CABIN1: variants seen among roughly 807,000 people sequenced by gnomAD.
CABIN1 encodes calcineurin binding protein 1.
Under a neutral mutation model 227.7 loss-of-function variants are expected in CABIN1, and 133 were observed. The ratio of observed to expected loss-of-function variants is 0.58; its 90% CI spans 0.51 to 0.67. The LOEUF is 0.67. Among genes scored for constraint, CABIN1 ranks in the 30% least tolerant of loss-of-function variants. The pLI is 0.00. For synonymous variants in CABIN1, 1,086 were observed against 1,155.1 expected (o/e 0.94, Z 1.21); for missense variants, 2,408 against 2,852.5 (o/e 0.84, Z 3.55).
At chr22:24,061,016 C>T (rs2039151850) in intron 12 of CABIN1, among the ~76,000 whole-genome samples, 1 of 152,220 alleles carries the variant, frequency 6.6e-6, no homozygotes, top group South Asian at 2.1e-4. Context: ...CTCCTGGGCT[C>T]AAGTGATCCT....
At chr22:24,076,312 T>C (rs746895268) in intron 19 of CABIN1, 28 bp downstream of exon 19, 54 of 1,561,334 alleles carry the variant, frequency 3.5e-5, no homozygotes, top group Non-Finnish European at 8.8e-6. Flanking sequence ...GGCTGCAGAC[T>C]GCCAGTGCGG....
Position 24,064,992 on chromosome 22 carries a change from T to C in CABIN1, c.2037+805T>C, listed in dbSNP as rs1254589467. Among the ~76,000 whole-genome samples the C allele has an allele frequency of 3.9e-5, 6 of 152,350 alleles. No individual in the cohort carries two copies. In the East Asian group the frequency reaches 5.8e-4, roughly 15 times the overall value. On this transcript the variant is annotated intron_variant, in intron 15 of 36. Transcript: ENST00000263119. ...TTCCCCCTTTTCTATTCCACGAAAC[T>C]GCCATTGTCATCATGGCCCGTTCTC...
rs116684304 is a variant in CABIN1, at chr22:24,120,211, G to A, written c.4632+513G>A. 9.6e-3 allele frequency among the ~76,000 whole-genome samples: 1,467 copies of A among 152,264 alleles called. 30 individuals are homozygous for A. The highest frequency in any genetic ancestry group is 0.033 in the African/African-American group (1,378 of 41,536). Reference sequence around the variant, plus strand: ...CCCTGCCCCTGGGCTCTTGTCGCTGGTGCAGCTGCCAAAACCATCTTCACA... The same window carrying A: ...CCCTGCCCCTGGGCTCTTGTCGCTGATGCAGCTGCCAAAACCATCTTCACA... On this transcript the variant is annotated intron_variant, in intron 28 of 36. Transcript: ENST00000263119.
chr22:24,095,992 G>T lies in CABIN1; in HGVS notation c.3848G>T (p.Gly1283Val). The T allele has an allele frequency of 6.2e-7, 1 of 1,614,140 alleles. No individual in the cohort carries two copies. The part of the protein sequence containing the change: ...KLLGKPDSGV[G>V]AEVLVNFMKE... Reference sequence around the variant, plus strand: ...CTGGGGAAGCCCGATTCTGGGGTTGGTGCAGAGGTCCTGGTCAACTTTATG... The same window carrying T: ...CTGGGGAAGCCCGATTCTGGGGTTGTTGCAGAGGTCCTGGTCAACTTTATG... Residue 1283 changes from glycine (G) to valine (V), a missense_variant, in exon 25 of 37, where the codon GGT becomes GTT. Physicochemically the swap from Gly to Val is moderately radical, Grantham distance 109. Coordinates refer to ENST00000263119, the MANE Select transcript of CABIN1 (RefSeq NM_012295.4).
chr22:24,014,859 G>T (rs1320698986), intron 1 of CABIN1, among the ~76,000 whole-genome samples: 1 of 152,042 alleles, frequency 6.6e-6, no homozygotes, highest in Admixed American at 6.6e-5. Flanking sequence ...GGATTATCTC[G>T]TGTTTCTTTC....
At chr22:24,017,401 T>A (rs2035382303) in intron 1 of CABIN1, among the ~76,000 whole-genome samples, 1 of 152,204 alleles carries the variant, frequency 6.6e-6, no homozygotes, top group Non-Finnish European at 1.5e-5. Flanking sequence ...TCCACATTGT[T>A]ATGCAGCCAT....
rs2039730300 is a variant in CABIN1, at chr22:24,066,998, C to A, written c.2049C>A (p.Asn683Lys). ...SVVSLEEIDK[N>K]LKSLERCQSL... ...CGGGCCTTTTTCAGATTGATAAGAA[C>A]CTGAAGTCGCTGGAGCGGTGCCAGT... Residue 683 changes from asparagine to lysine, a missense_variant, in exon 16 of 37, where the codon AAC becomes AAA. Physicochemically the swap from Asn to Lys is moderately conservative, Grantham distance 94. Around this residue, in one of 3 missense-constraint regions of CABIN1, gnomAD observed 1,045 missense variants for 1,168.4 expected, o/e 0.89. Transcript: ENST00000263119. The A allele has an allele frequency of 6.2e-7, 1 of 1,614,184 alleles. No individual in the cohort carries two copies. The highest frequency in any genetic ancestry group is 8.5e-7 in the Non-Finnish European group (1 of 1,180,032).
At position 24,059,935 on chromosome 22, in the gene CABIN1, G is replaced by A. The variant is rs769648988; in HGVS notation, c.1411G>A (p.Val471Met). The A allele has an allele frequency of 1.5e-5, 25 of 1,613,984 alleles. No individual in the cohort carries two copies. Among genetic ancestry groups the A allele is most frequent in the Non-Finnish European group, 1.8e-5 (21 of 1,179,962 alleles). ...ATFMESEKQD[V>M]HEFLLENLTN... Reference sequence around the variant, plus strand: ...TGCTCCCCGGGCAGAAAAGCAGGACGTGCATGAGTTCCTGCTGGAGAACCT... The same window carrying A: ...TGCTCCCCGGGCAGAAAAGCAGGACATGCATGAGTTCCTGCTGGAGAACCT... The change falls in exon 12 of 37, where the codon GTG becomes ATG. Residue 471 changes from valine to methionine, a missense_variant. This residue lies in a region of CABIN1 where 1,045 missense variants were observed against 1,168.4 expected (regional missense o/e 0.89). Coordinates refer to ENST00000263119, the MANE Select transcript of CABIN1 (RefSeq NM_012295.4).
chr22:24,145,507 A>G (rs1471401932), intron 29 of CABIN1, among the ~76,000 whole-genome samples: 1 of 152,290 alleles, frequency 6.6e-6, no homozygotes, highest in Non-Finnish European at 1.5e-5. Context: ...CAGGACCCAG[A>G]CTGCCTGTGG....
chr22:24,018,351 A>T (rs895594447), intron 1 of CABIN1, among the ~76,000 whole-genome samples: 1 of 152,104 alleles, frequency 6.6e-6, no homozygotes, highest in Non-Finnish European at 1.5e-5. Context: ...GTGAATTTTA[A>T]ATCATATTTG....
At chr22:24,102,324 T>G (rs1424749830) in intron 26 of CABIN1, 1 of 152,250 alleles carries the variant, frequency 6.6e-6, no homozygotes, top group African/African-American at 2.4e-5. Context: ...AAATCCTTGC[T>G]CTCTGCCTGT....
chr22:24,070,483 G>T (rs1384314588), intron 16 of CABIN1, among the ~76,000 whole-genome samples: 2 of 152,240 alleles, frequency 1.3e-5, no homozygotes, highest in Non-Finnish European at 2.9e-5. Context: ...AGGTGTTGGG[G>T]TGCCTGTCTC....
At chr22:24,063,193 C>G in intron 14 of CABIN1, 47 bp downstream of exon 14, 2 of 1,589,484 alleles carry the variant, frequency 1.3e-6, no homozygotes, top group Non-Finnish European at 1.7e-6. Context: ...TGACACCCAG[C>G]AGGGTGGGCA....
At position 24,168,510 on chromosome 22, in the gene CABIN1, G is replaced by A. The variant is rs2046590986; in HGVS notation, c.5746G>A (p.Ala1916Thr). 8.3e-6 allele frequency: 13 copies of A among 1,558,116 alleles called. No individual in the cohort carries two copies. Among genetic ancestry groups the A allele is most frequent in the African/African-American group, 1.4e-5 (1 of 73,380 alleles). Residue 1916 changes from alanine to threonine, a missense_variant, in exon 33 of 37, where the codon GCC (alanine) becomes ACC (threonine). By Grantham distance (58) the Ala-to-Thr change is moderately conservative. Transcript: ENST00000263119. ...KFCQVHLGAAAQRQASGDTPT... is the reference protein window; with the variant it reads ...KFCQVHLGAATQRQASGDTPT... ...CTGCCAGGTCCATCTTGGGGCTGCC[G>A]CCCAGAGACAGGTAAGCCCAATTTA...
chr22:24,133,882 G>A (rs546350465), intron 28 of CABIN1, among the ~76,000 whole-genome samples: 1 of 152,188 alleles, frequency 6.6e-6, no homozygotes, highest in Admixed American at 6.5e-5. Context: ...CCAGCCCTCC[G>A]AGCCTAAAGC....
intron 26 of CABIN1, among the ~76,000 whole-genome samples, chr22:24,098,715 G>A (rs777819753): frequency 1.1e-4 from 16 of 152,210 alleles, no homozygotes; most frequent in Non-Finnish European, 2.4e-4. Flanking sequence ...CATGCCATGT[G>A]GGATGGGGCA....
At chr22:24,055,974 T>C (rs1200282770) in intron 9 of CABIN1, among the ~76,000 whole-genome samples, 1 of 152,164 alleles carries the variant, frequency 6.6e-6, no homozygotes, top group African/African-American at 2.4e-5. Context: ...AAATCTGGCT[T>C]GTGGGTCCTG....
At chr22:24,083,585 G>A (rs574152394) in intron 20 of CABIN1, among the ~76,000 whole-genome samples, 196 bp downstream of exon 20, 2 of 152,310 alleles carry the variant, frequency 1.3e-5, no homozygotes, top group South Asian at 4.1e-4. Context: ...AATGTTGACT[G>A]ACATTCAACT....
intron 1 of CABIN1, among the ~76,000 whole-genome samples, chr22:24,014,935 CT>C (rs1569064965): frequency 0.012 from 1,870 of 152,070 alleles, 35 homozygotes; most frequent in African/African-American, 0.043. Flanking sequence ...AGGTGACATG[CT>C]ATATAGATAA....
Sources: gnomAD v4.1 joint callset for allele counts (sites outside exome capture counted in the v4.1 genomes callset) on GRCh38, gnomAD v4.1.1 for gene constraint, gnomAD v4.1.1 regional missense constraint, MANE v1.5 for transcripts, NCBI Gene and HGNC (gene_info 2026-07-23, HGNC 2026-07-21) for gene names.